STPG2: variants seen among roughly 807,000 people sequenced by gnomAD.
STPG2 encodes sperm-tail PG-rich repeat-containing protein 2.
In STPG2, 56 loss-of-function variants were observed where a neutral mutation model predicts 54.2. The ratio of observed to expected loss-of-function variants is 1.03; its 90% CI spans 0.83 to 1.29. The LOEUF (loss-of-function observed/expected upper bound fraction) is 1.29. Ranked by LOEUF, STPG2 falls within the 50% of genes most tolerant of loss-of-function variation. The pLI, the probability that STPG2 is intolerant of heterozygous loss-of-function variation, is 0.00. For synonymous variants in STPG2, 200 were observed against 181.8 expected, an observed-to-expected ratio of 1.10 and a Z score of -0.81; for missense variants, 596 against 544.9, an observed-to-expected ratio of 1.09 and a Z score of -0.93.
At chr4:97,481,317 T>G (rs1184851314) in intron 4 of STPG2, among the ~76,000 whole-genome samples, 4 of 151,590 alleles carry the variant, frequency 2.6e-5, no homozygotes, top group Non-Finnish European at 4.4e-5. Context: ...GTCCTAAATC[T>G]TTGGAATTTT....
chr4:98,063,100 C>G (rs912771176), intron 5 of STPG2, among the ~76,000 whole-genome samples: 1 of 151,762 alleles, frequency 6.6e-6, no homozygotes, highest in Non-Finnish European at 1.5e-5. Context: ...TTTTTAATAT[C>G]AAAAAATACA....
intron 5 of STPG2, among the ~76,000 whole-genome samples, chr4:98,043,604 G>C (rs762865392): frequency 3.3e-5 from 5 of 150,610 alleles, no homozygotes; most frequent in Non-Finnish European, 5.9e-5. Context: ...CTCTCCTCCC[G>C]CATATTATAT....
chr4:97,898,273 T>C (rs1731037930), intron 8 of STPG2, among the ~76,000 whole-genome samples: 1 of 152,082 alleles, frequency 6.6e-6, no homozygotes, highest in African/African-American at 2.4e-5. Flanking sequence ...TGTCTGCTTT[T>C]GTATCCTTTG....
chr4:97,863,680 A>G (rs1304143104), intron 8 of STPG2, among the ~76,000 whole-genome samples: 3 of 152,186 alleles, frequency 2.0e-5, no homozygotes, highest in Non-Finnish European at 4.4e-5. Context: ...CCTGATAAAC[A>G]TTGACACAAA....
rs186871555 is a variant in STPG2, at chr4:97,641,577, A to G, written c.1320+71122T>C. On this transcript the variant is annotated intron_variant, in intron 10 of 10. Coordinates refer to ENST00000295268, the MANE Select transcript of STPG2 (RefSeq NM_174952.3). ...ATTTTAGCTAATTTTTGAATTCATT[A>G]TAACTTTTATTATTTCACTTTATCA... is the stretch of plus-strand genomic sequence containing the variant. 3.4e-3 allele frequency among the ~76,000 whole-genome samples: 517 copies of G among 151,604 alleles called. 3 individuals are homozygous for G. The highest frequency in any genetic ancestry group is 0.011 in the African/African-American group (476 of 41,496).
chr4:98,098,064 C>G (rs1396279501), intron 5 of STPG2, among the ~76,000 whole-genome samples: 1 of 151,890 alleles, frequency 6.6e-6, no homozygotes, highest in Non-Finnish European at 1.5e-5. Context: ...ATCTACAGAG[C>G]CAGTGCAATC....
At chr4:97,613,832 A>T (rs1733793363) in intron 10 of STPG2, among the ~76,000 whole-genome samples, 2 of 151,742 alleles carry the variant, frequency 1.3e-5, no homozygotes, top group Admixed American at 6.6e-5. Context: ...ATTTTCTGGC[A>T]CTATGTAAGA....
chr4:98,002,003 A>T (rs1735427965), intron 5 of STPG2, among the ~76,000 whole-genome samples: 3 of 152,220 alleles, frequency 2.0e-5, no homozygotes, highest in South Asian at 4.1e-4. Flanking sequence ...CTGACAAAAA[A>T]ATATATATTA....
rs1349721109 is a variant in STPG2, at chr4:97,679,901, T to A, written c.1320+32798A>T. Reference sequence around the variant, plus strand: ...AATAGGGAATCCTTTCCCCATTGCTTGTTTTTCTCAGGTTTGTCAAAGATC... The same window carrying A: ...AATAGGGAATCCTTTCCCCATTGCTAGTTTTTCTCAGGTTTGTCAAAGATC... On this transcript the variant is annotated intron_variant, in intron 10 of 10. Transcript: ENST00000295268. Among the ~76,000 whole-genome samples, 15 of 151,718 alleles carry A rather than the reference T, an allele frequency of 9.9e-5. No homozygotes were observed. In the East Asian group the frequency reaches 2.9e-3, roughly 29 times the overall value.
intron 6 of STPG2, among the ~76,000 whole-genome samples, chr4:97,977,404 A>C (rs1734534440): frequency 6.6e-6 from 1 of 152,140 alleles, no homozygotes; most frequent in Non-Finnish European, 1.5e-5. Context: ...TGGAGCACTG[A>C]CCCCATTCCT....
chr4:97,518,644 T>C (rs537176173), intron 4 of STPG2, among the ~76,000 whole-genome samples: 15 of 152,230 alleles, frequency 9.9e-5, no homozygotes, highest in Admixed American at 1.3e-4. Flanking sequence ...ATACGATCCA[T>C]TCAGGGCGAC....
At chr4:97,740,207 C>A (rs577477172) in intron 9 of STPG2, among the ~76,000 whole-genome samples, 4 of 152,104 alleles carry the variant, frequency 2.6e-5, no homozygotes, top group African/African-American at 7.2e-5. Flanking sequence ...ATTGATGGGA[C>A]GTATCTCAAA....
intron 9 of STPG2, among the ~76,000 whole-genome samples, chr4:97,722,765 A>C (rs971687129): frequency 2.0e-5 from 3 of 150,120 alleles, no homozygotes; most frequent in African/African-American, 2.5e-5. Context: ...TTACATCATA[A>C]ATTTCTTTAG....
chr4:97,740,058 T>C (rs944461338), intron 9 of STPG2, among the ~76,000 whole-genome samples: 1 of 151,984 alleles, frequency 6.6e-6, no homozygotes, highest in Non-Finnish European at 1.5e-5. Context: ...GCTGGTTCAA[T>C]ATACACAAAT....
chr4:98,096,144 C>G (rs183571439), intron 5 of STPG2, among the ~76,000 whole-genome samples: 1 of 152,128 alleles, frequency 6.6e-6, no homozygotes, highest in Non-Finnish European at 1.5e-5. Flanking sequence ...CCTGTAATCC[C>G]AGCACTTTGG....
At chr4:98,020,719 AT>A (rs1394254138) in intron 5 of STPG2, among the ~76,000 whole-genome samples, 1 of 152,148 alleles carries the variant, frequency 6.6e-6, no homozygotes, top group Admixed American at 6.5e-5. Context: ...CTATTCAGAG[AT>A]TCAACTTCTT....
chr4:98,006,215 GC>G (rs957152785), intron 5 of STPG2, among the ~76,000 whole-genome samples: 12 of 152,154 alleles, frequency 7.9e-5, no homozygotes, highest in African/African-American at 2.2e-4. Flanking sequence ...TGGTCAGACA[GC>G]CTGCACAACA....
intron 9 of STPG2, among the ~76,000 whole-genome samples, chr4:97,828,813 T>C (rs747811810): frequency 1.1e-4 from 17 of 152,148 alleles, no homozygotes; most frequent in African/African-American, 4.1e-4. Flanking sequence ...AAGGCTGCTG[T>C]GGCCAGACTG....
At chr4:97,453,006 G>A (rs1454823111) in intron 4 of STPG2, among the ~76,000 whole-genome samples, 1 of 152,212 alleles carries the variant, frequency 6.6e-6, no homozygotes, top group Non-Finnish European at 1.5e-5. Context: ...CCGAATGGTG[G>A]AGTTAAAAGA....
Sources: allele counts gnomAD v4.1 joint callset (sites outside exome capture counted in the v4.1 genomes callset), GRCh38; gene constraint gnomAD v4.1.1; transcripts MANE v1.5; gene names NCBI Gene and HGNC (gene_info 2026-07-23, HGNC 2026-07-21).